Variants in DCAF8L2 observed in about 807,000 individuals in gnomAD.
DCAF8L2 encodes DDB1 and CUL4 associated factor 8 like 2.
For synonymous variants in DCAF8L2, 200 were observed against 190.9 expected (o/e 1.05, Z -0.39); for missense variants, 430 against 490.7 (o/e 0.88, Z 1.17).
At chrX:27,497,125 A>G in the DCAF8L2 span, among the ~76,000 whole-genome samples, 35 of 111,154 alleles carry the variant, frequency 3.1e-4, no homozygotes, top group Middle Eastern at 4.3e-3. Context: ...GGGGATATCT[A>G]TGATGATTAT....
the DCAF8L2 span, among the ~76,000 whole-genome samples, chrX:27,511,614 A>C: frequency 1.8e-5 from 2 of 112,430 alleles, no homozygotes; most frequent in East Asian, 5.6e-4. Flanking sequence ...CTTCTATTCA[A>C]GATCTGAACT....
At chrX:27,541,949 T>A in the DCAF8L2 span, among the ~76,000 whole-genome samples, 1 of 111,941 alleles carries the variant, frequency 8.9e-6, no homozygotes, top group Non-Finnish European at 1.9e-5. Flanking sequence ...TGTGGTATTT[T>A]GTTTTCTGTT....
intron 3 of DCAF8L2, among the ~76,000 whole-genome samples, chrX:27,696,931 G>A (rs1170822864): frequency 9.0e-6 from 1 of 111,513 alleles, no homozygotes; most frequent in Admixed American, 9.5e-5. Context: ...ATCCCCAAAA[G>A]GTTATTTATA....
At chrX:27,664,058 G>A (rs1395776198) in intron 2 of DCAF8L2, among the ~76,000 whole-genome samples, 2 of 109,243 alleles carry the variant, frequency 1.8e-5, no homozygotes, top group African/African-American at 6.7e-5. Flanking sequence ...GTGTTCAAGT[G>A]AAAGGAAGAA....
upstream of DCAF8L2, among the ~76,000 whole-genome samples, chrX:27,588,034 A>C (rs1925946026): frequency 9.7e-6 from 1 of 103,429 alleles, no homozygotes; most frequent in African/African-American, 3.6e-5. Context: ...AGTTTATTTT[A>C]GATTCAGGGC....
intron 2 of DCAF8L2, among the ~76,000 whole-genome samples, chrX:27,642,281 A>G (rs1928766258): frequency 9.0e-6 from 1 of 111,236 alleles, no homozygotes; most frequent in East Asian, 2.8e-4. Flanking sequence ...CTTATGCAGG[A>G]CCACATAAGC....
Position 27,693,876 on chromosome X carries a change from A to G in DCAF8L2, c.-143+15964A>G, listed in dbSNP as rs1234381945. Among the ~76,000 whole-genome samples, 5 of 112,040 alleles carry G rather than the reference A, an allele frequency of 4.5e-5. No homozygotes were observed. The East Asian group carries it at 1.4e-3, about 32-fold the overall frequency. ...CCATTACTGGGTATATAGCCAAAGG[A>G]GGATAAATCAAACTACCAAAAATAC... On this transcript the variant is annotated intron_variant, in intron 3 of 4. Coordinates refer to ENST00000451261, the MANE Select transcript of DCAF8L2 (RefSeq NM_001353450.2).
intron 3 of DCAF8L2, among the ~76,000 whole-genome samples, chrX:27,712,202 G>A (rs1367161302): frequency 1.8e-5 from 2 of 111,446 alleles, no homozygotes; most frequent in African/African-American, 3.3e-5. Context: ...TGTCATTTGA[G>A]TCATCTCAGA....
intron 3 of DCAF8L2, among the ~76,000 whole-genome samples, chrX:27,696,440 C>T (rs1396603867): frequency 9.0e-6 from 1 of 111,000 alleles, no homozygotes; most frequent in Non-Finnish European, 1.9e-5. Context: ...ATATGATACA[C>T]CTGTTCAGCT....
At chrX:27,734,178 C>T (rs748084107) in intron 4 of DCAF8L2, among the ~76,000 whole-genome samples, 61 of 105,011 alleles carry the variant, frequency 5.8e-4, no homozygotes, top group Middle Eastern at 4.9e-3. Flanking sequence ...ACTGAAAGCA[C>T]GAGCAAGGGC....
chrX:27,486,745 G>A, the DCAF8L2 span, among the ~76,000 whole-genome samples: 1 of 110,762 alleles, frequency 9.0e-6, no homozygotes. Flanking sequence ...ATATATTCTG[G>A]ACTCAATTAT....
At chrX:27,503,727 CT>C in the DCAF8L2 span, among the ~76,000 whole-genome samples, 32 of 111,315 alleles carry the variant, frequency 2.9e-4, no homozygotes, top group East Asian at 5.0e-3. Flanking sequence ...CTCTAAGCTA[CT>C]TCTTTTCTCA....
the DCAF8L2 span, among the ~76,000 whole-genome samples, chrX:27,502,580 C>T: frequency 6.6e-5 from 7 of 106,793 alleles, no homozygotes; most frequent in Admixed American, 1.0e-4. Context: ...GCTTATAAGA[C>T]GCTTATTTAT....
intron 3 of DCAF8L2, among the ~76,000 whole-genome samples, chrX:27,678,761 G>C (rs1249383404): frequency 1.8e-5 from 2 of 111,686 alleles, no homozygotes; most frequent in Non-Finnish European, 3.8e-5. Flanking sequence ...GGATGTTGCT[G>C]ATGGTTGCAC....
upstream of DCAF8L2, among the ~76,000 whole-genome samples, chrX:27,587,975 T>TAAAAAA (rs531576238): frequency 8.2e-4 from 21 of 25,497 alleles, no homozygotes; most frequent in Non-Finnish European, 9.0e-4. Flanking sequence ...GTACTTCCAT[T>TAAAAAA]AAAAAAAAAA....
intron 2 of DCAF8L2, among the ~76,000 whole-genome samples, chrX:27,635,612 T>A (rs1462049570): frequency 2.7e-5 from 3 of 111,788 alleles, no homozygotes; most frequent in Non-Finnish European, 5.6e-5. Flanking sequence ...TTCCGGCCAA[T>A]TCAACATTTG....
intron 2 of DCAF8L2, among the ~76,000 whole-genome samples, chrX:27,650,181 T>G (rs949368255): frequency 9.0e-6 from 1 of 111,639 alleles, no homozygotes; most frequent in Non-Finnish European, 1.9e-5. Context: ...AGGACAACGC[T>G]GTTTTGATTA....
chrX:27,492,186 C>A, the DCAF8L2 span, among the ~76,000 whole-genome samples: 1 of 111,797 alleles, frequency 8.9e-6, no homozygotes, highest in Non-Finnish European at 1.9e-5. Flanking sequence ...TTCATGCTTC[C>A]TTCACTTATC....
At chrX:27,693,161 A>G (rs1385687522) in intron 3 of DCAF8L2, among the ~76,000 whole-genome samples, 2 of 111,339 alleles carry the variant, frequency 1.8e-5, no homozygotes, top group Non-Finnish European at 3.8e-5. Context: ...ACACATGGAT[A>G]TTTGAAAGGA....
Sources: gnomAD v4.1 joint callset for allele counts (sites outside exome capture counted in the v4.1 genomes callset) on GRCh38, gnomAD v4.1.1 for gene constraint, MANE v1.5 for transcripts, NCBI Gene and HGNC (gene_info 2026-07-23, HGNC 2026-07-21) for gene names.